The following MB21D2 variants were observed in gnomAD, a reference collection of about 807,000 sequenced individuals.
MB21D2 encodes the protein Mab-21 domain containing 2, also known as nucleotidyltransferase MB21D2.
In MB21D2, 9 loss-of-function variants were observed where a neutral mutation model predicts 33.3. The ratio of observed to expected loss-of-function variants is 0.27; its 90% CI spans 0.16 to 0.47. MB21D2 has a LOEUF of 0.47. Ranked by LOEUF, MB21D2 falls within the 20% of genes least tolerant of loss-of-function variation. The probability of loss-of-function intolerance (pLI) is 0.99; values close to 1 mark genes in which losing one functional copy is unlikely to be tolerated. For missense variants in MB21D2, 540 were observed against 624.6 expected (o/e 0.86, Z 1.44); for synonymous variants, 241 against 236.3 (o/e 1.02, Z -0.18).
At chr3:192,808,339 C>A (rs1210535312) in intron 1 of MB21D2, among the ~76,000 whole-genome samples, 1 of 152,014 alleles carries the variant, frequency 6.6e-6, no homozygotes, top group African/African-American at 2.4e-5. Context: ...AAGGTCCTAG[C>A]CAAAATGCAC....
At chr3:192,906,014 C>G (rs1372621651) in intron 1 of MB21D2, among the ~76,000 whole-genome samples, 2 of 152,048 alleles carry the variant, frequency 1.3e-5, no homozygotes, top group African/African-American at 4.8e-5. Flanking sequence ...ATACTTACTT[C>G]CTAGGGTTGC....
chr3:192,897,146 G>A (rs1042776083), intron 1 of MB21D2, among the ~76,000 whole-genome samples: 1 of 152,148 alleles, frequency 6.6e-6, no homozygotes, highest in East Asian at 1.9e-4. Context: ...GGATCCATGA[G>A]GTATTTATTA....
intron 1 of MB21D2, among the ~76,000 whole-genome samples, chr3:192,877,549 C>T (rs184884998): frequency 2.3e-3 from 343 of 152,296 alleles, no homozygotes; most frequent in Non-Finnish European, 2.4e-3. Flanking sequence ...CCTCCTTGGC[C>T]ACCAGTGTCA....
At chr3:192,893,968 A>G (rs930928426) in intron 1 of MB21D2, among the ~76,000 whole-genome samples, 1 of 152,128 alleles carries the variant, frequency 6.6e-6, no homozygotes, top group Admixed American at 6.5e-5. Context: ...CCCAGGAGTT[A>G]GAGGCTGCCT....
intron 1 of MB21D2, among the ~76,000 whole-genome samples, chr3:192,800,568 T>C (rs1711541889): frequency 6.6e-6 from 1 of 152,156 alleles, no homozygotes; most frequent in Non-Finnish European, 1.5e-5. Flanking sequence ...AAATCCTTGA[T>C]GGAGAAGAAA....
At chr3:192,804,812 T>C (rs1248800814) in intron 1 of MB21D2, among the ~76,000 whole-genome samples, 1 of 152,184 alleles carries the variant, frequency 6.6e-6, no homozygotes, top group Non-Finnish European at 1.5e-5. Context: ...AAAAATATTA[T>C]GGTTTATGTT....
chr3:192,842,021 C>G (rs149220604), intron 1 of MB21D2, among the ~76,000 whole-genome samples: 98 of 152,236 alleles, frequency 6.4e-4, no homozygotes, highest in African/African-American at 2.3e-3. Context: ...TTTATACAGG[C>G]AATGGAGCAC....
chr3:192,809,694 G>A (rs1327179207), intron 1 of MB21D2, among the ~76,000 whole-genome samples: 2 of 152,188 alleles, frequency 1.3e-5, no homozygotes, highest in South Asian at 2.1e-4. Context: ...AGTCATCTCT[G>A]GGGAATAAAG....
intron 1 of MB21D2, among the ~76,000 whole-genome samples, chr3:192,896,782 A>G (rs1384212675): frequency 6.6e-6 from 1 of 152,212 alleles, no homozygotes. Context: ...TAATCCAGCT[A>G]GAACTCTGAT....
At chr3:192,832,861 A>G (rs1038336800) in intron 1 of MB21D2, among the ~76,000 whole-genome samples, 5 of 152,274 alleles carry the variant, frequency 3.3e-5, no homozygotes, top group Middle Eastern at 6.8e-3. Flanking sequence ...ATCAATCAAT[A>G]AAAGTTGCTA....
chr3:192,861,955 A>C lies in MB21D2; in HGVS notation c.211+55675T>G, dbSNP rs146056994. Among the ~76,000 whole-genome samples, 1,411 of 152,374 alleles carry C rather than the reference A, an allele frequency of 9.3e-3. 6 individuals carry two copies. Among genetic ancestry groups the C allele is most frequent in the Non-Finnish European group, 0.016 (1,071 of 68,036 alleles). ...CAAACTGGGGCAACAGGCCAGGTACAGCAGAGTAAAATACAACCACACAAG... is the reference window on the plus strand; with the variant it reads ...CAAACTGGGGCAACAGGCCAGGTACCGCAGAGTAAAATACAACCACACAAG... On this transcript the variant is annotated intron_variant, in intron 1 of 1. Transcript: ENST00000392452.
At chr3:192,858,216 T>C (rs775849358) in intron 1 of MB21D2, among the ~76,000 whole-genome samples, 1 of 152,084 alleles carries the variant, frequency 6.6e-6, no homozygotes, top group Non-Finnish European at 1.5e-5. Context: ...TTAATGCATA[T>C]ATCATAAGAG....
chr3:192,891,556 G>T (rs1014774728), intron 1 of MB21D2, among the ~76,000 whole-genome samples: 2 of 152,068 alleles, frequency 1.3e-5, no homozygotes, highest in Admixed American at 1.3e-4. Flanking sequence ...ATTTTCAAGG[G>T]CTTCCCTTGC....
At chr3:192,890,754 C>G (rs772117278) in intron 1 of MB21D2, among the ~76,000 whole-genome samples, 8 of 152,002 alleles carry the variant, frequency 5.3e-5, no homozygotes, top group African/African-American at 1.5e-4. Flanking sequence ...GATACATGCT[C>G]TGAGGATATG....
intron 1 of MB21D2, among the ~76,000 whole-genome samples, chr3:192,886,418 C>A (rs1401590473): frequency 6.6e-6 from 1 of 152,094 alleles, no homozygotes; most frequent in East Asian, 1.9e-4. Context: ...TATTTCCAAA[C>A]ACACAACAGA....
rs896713519 is a variant in MB21D2 at position 192,913,255 on chromosome 3, G to A, written c.211+4375C>T. 6.6e-5 allele frequency among the ~76,000 whole-genome samples: 10 copies of A among 150,840 alleles called. No individual in the cohort carries two copies. In the East Asian group the frequency reaches 1.8e-3, roughly 27 times the overall value. ...TACCAAAAATACAAAAAACTAGCCA[G>A]GCGTGGTGTTACACGCCTGCACTCC... On this transcript the variant is annotated intron_variant, in intron 1 of 1. Transcript: ENST00000392452.
At chr3:192,901,760 G>A (rs1714108596) in intron 1 of MB21D2, among the ~76,000 whole-genome samples, 1 of 152,306 alleles carries the variant, frequency 6.6e-6, no homozygotes, top group East Asian at 1.9e-4. Flanking sequence ...TATAAATTGT[G>A]ACCTCAAAGT....
At chr3:192,833,296 A>C (rs903842515) in intron 1 of MB21D2, among the ~76,000 whole-genome samples, 1 of 152,228 alleles carries the variant, frequency 6.6e-6, no homozygotes, top group African/African-American at 2.4e-5. Flanking sequence ...GACTAAACAA[A>C]AAATAATTTT....
Position 192,798,162 on chromosome 3 carries a change from A to T in MB21D2, c.*224T>A, listed in dbSNP as rs1720561096. On this transcript the variant is annotated 3_prime_UTR_variant, in exon 2 of 2. Coordinates refer to ENST00000392452, the MANE Select transcript of MB21D2 (RefSeq NM_178496.4). The surrounding 1 kb of genome is among the most constrained non-coding windows in gnomAD (Gnocchi z 4.8). Reference sequence around the variant, plus strand: ...AAAAAACTCCAACAAACTAAAGAGCATGACAATAACTACAAAAAGTAAACA... The same window carrying T: ...AAAAAACTCCAACAAACTAAAGAGCTTGACAATAACTACAAAAAGTAAACA... The T allele has an allele frequency of 1.2e-5, 6 of 507,602 alleles. No homozygotes were observed. The highest frequency in any genetic ancestry group is 3.4e-6 in the Non-Finnish European group (1 of 291,582). 31.4% of individuals were successfully genotyped at this position (507,602 alleles called of 1,614,324 possible).
Sources: allele counts gnomAD v4.1 joint callset (sites outside exome capture counted in the v4.1 genomes callset), GRCh38; gene constraint gnomAD v4.1.1; non-coding constraint Gnocchi (gnomAD v3.1); transcripts MANE v1.5; gene names NCBI Gene and HGNC (gene_info 2026-07-23, HGNC 2026-07-21).